The following ADCY2 variants were observed in gnomAD, a reference collection of about 807,000 sequenced individuals.
ADCY2 encodes adenylate cyclase 2.
ADCY2 carries 31 observed loss-of-function variants against 125.2 expected under a neutral mutation model. That is an observed-to-expected ratio of 0.25 (90% confidence interval 0.19 to 0.33). The LOEUF is 0.33. Among genes scored for constraint, ADCY2 ranks in the 10% least tolerant of loss-of-function variants. The pLI is 1.00. For synonymous variants in ADCY2, 512 were observed against 548.4 expected (o/e 0.93, Z 0.93); for missense variants, 904 against 1,418.2 (o/e 0.64, Z 5.82).
At position 7,641,743 on chromosome 5, in the gene ADCY2, T is replaced by C. The variant is rs959309639; in HGVS notation, c.720+15427T>C. ...CTTTATGTCCATGAGTACCCAATGT[T>C]TAGCTCCTACTTATAAGTGAGAACA... On this transcript the variant is annotated intron_variant, in intron 4 of 24. Coordinates refer to ENST00000338316, the MANE Select transcript of ADCY2 (RefSeq NM_020546.3). Among the ~76,000 whole-genome samples, 5 of 152,134 alleles carry C rather than the reference T, an allele frequency of 3.3e-5. No homozygotes were observed. The East Asian group carries it at 9.6e-4, about 29-fold the overall frequency.
intron 15 of ADCY2, among the ~76,000 whole-genome samples, chr5:7,748,125 A>T (rs4376238): frequency 0.46 from 69,493 of 151,988 alleles, 16,957 homozygotes; most frequent in East Asian, 0.95. Flanking sequence ...CTAGGCCCAT[A>T]TAGCAGCCCC....
intron 3 of ADCY2, among the ~76,000 whole-genome samples, chr5:7,570,987 C>T (rs1422968279): frequency 6.6e-6 from 1 of 152,052 alleles, no homozygotes; most frequent in Non-Finnish European, 1.5e-5. Context: ...CAGAAATAGG[C>T]TTTGCTGATA....
At chr5:7,410,976 G>A (rs1026166125) in intron 1 of ADCY2, among the ~76,000 whole-genome samples, 1 of 152,120 alleles carries the variant, frequency 6.6e-6, no homozygotes, top group Non-Finnish European at 1.5e-5. Context: ...AGGTCTGAGA[G>A]TGTCTCTTTA....
chr5:7,581,555 C>T (rs1284045127), intron 3 of ADCY2, among the ~76,000 whole-genome samples: 2 of 151,962 alleles, frequency 1.3e-5, no homozygotes, highest in Non-Finnish European at 2.9e-5. Context: ...TGCGGTGGCT[C>T]ACACCTGTAA....
At chr5:7,617,823 C>T (rs1029291270) in intron 3 of ADCY2, among the ~76,000 whole-genome samples, 1 of 152,166 alleles carries the variant, frequency 6.6e-6, no homozygotes, top group African/African-American at 2.4e-5. Flanking sequence ...TACCTTTCAG[C>T]ATTTGATTCT....
At position 7,816,919 on chromosome 5, in the gene ADCY2, C is replaced by T. The variant is rs559912274; in HGVS notation, c.2937C>T (p.Ala979=). 10 of 1,614,078 alleles carry T rather than the reference C, an allele frequency of 6.2e-6. No homozygotes were observed. In the African/African-American group the frequency reaches 1.2e-4, roughly 19 times the overall value. ...HIGTMVEFAF[A]LVGKLDAINK... ...GCACCATGGTGGAGTTTGCTTTTGC[C>T]CTGGTAGGGAAGCTGGATGCCATCA... The change falls in exon 23 of 25, where the codon GCC becomes GCT. Residue 979 remains alanine (A), a synonymous_variant. Transcript: ENST00000338316.
At chr5:7,694,790 C>A (rs958827822) in intron 5 of ADCY2, among the ~76,000 whole-genome samples, 1 of 152,032 alleles carries the variant, frequency 6.6e-6, no homozygotes, top group Non-Finnish European at 1.5e-5. Context: ...GGATATATAC[C>A]CAGAAGTTGC....
intron 2 of ADCY2, among the ~76,000 whole-genome samples, chr5:7,485,699 A>T (rs1002312820): frequency 6.6e-6 from 1 of 152,232 alleles, no homozygotes; most frequent in African/African-American, 2.4e-5. Flanking sequence ...CTTCATTGGA[A>T]GCATTCTGCA....
intron 2 of ADCY2, among the ~76,000 whole-genome samples, chr5:7,507,281 AAT>A (rs2126513368): frequency 6.9e-6 from 1 of 145,542 alleles, no homozygotes; most frequent in Non-Finnish European, 1.5e-5. Context: ...CTCTACTAAA[AAT>A]ACAAAAAATT....
rs111701793 is a variant in ADCY2, at chr5:7,481,378, C to T, written c.409-39360C>T. On this transcript the variant is annotated intron_variant, in intron 2 of 24. Coordinates refer to ENST00000338316, the MANE Select transcript of ADCY2 (RefSeq NM_020546.3). ...GCCTCCCGGGTTCACGCCATTCTCT[C>T]GCCTCAGCTTCCTGAGCAGCTGGGA... 5.3e-3 allele frequency among the ~76,000 whole-genome samples: 812 copies of T among 152,232 alleles called. 4 individuals are homozygous for T. Among genetic ancestry groups the T allele is most frequent in the African/African-American group, 0.018 (765 of 41,542 alleles).
Position 7,430,910 on chromosome 5 carries a change from T to C in ADCY2, c.408+16140T>C, listed in dbSNP as rs185881495. Among the ~76,000 whole-genome samples, 1,447 of 152,266 alleles carry C rather than the reference T, an allele frequency of 9.5e-3. 14 individuals are homozygous for C. Among genetic ancestry groups the C allele is most frequent in the Non-Finnish European group, 0.015 (1,012 of 67,990 alleles). Reference sequence around the variant, plus strand: ...CTAGATAACTGGAGAGAGATTCTGTTCATGGATCCAATGACAATGTTAAAT... The same window carrying C: ...CTAGATAACTGGAGAGAGATTCTGTCCATGGATCCAATGACAATGTTAAAT... On this transcript the variant is annotated intron_variant, in intron 2 of 24. Coordinates refer to ENST00000338316, the MANE Select transcript of ADCY2 (RefSeq NM_020546.3).
chr5:7,813,872 AAT>A (rs1745017964), intron 22 of ADCY2, among the ~76,000 whole-genome samples: 1 of 152,212 alleles, frequency 6.6e-6, no homozygotes, highest in African/African-American at 2.4e-5. Flanking sequence ...CTCCATGGCA[AAT>A]ATGTCCTCCT....
At chr5:7,718,220 C>T (rs1318465088) in intron 12 of ADCY2, among the ~76,000 whole-genome samples, 2 of 138,274 alleles carry the variant, frequency 1.4e-5, no homozygotes, top group African/African-American at 2.8e-5. Flanking sequence ...ACGATCTTGG[C>T]TCACTGCAAG....
At chr5:7,438,091 G>T (rs967673839) in intron 2 of ADCY2, among the ~76,000 whole-genome samples, 1 of 152,130 alleles carries the variant, frequency 6.6e-6, no homozygotes, top group African/African-American at 2.4e-5. Flanking sequence ...TGGTAGCCTG[G>T]CTGGCTAGAG....
chr5:7,720,719 C>T (rs1442994700), intron 12 of ADCY2, among the ~76,000 whole-genome samples: 1 of 152,160 alleles, frequency 6.6e-6, no homozygotes, highest in Non-Finnish European at 1.5e-5. Context: ...CTACAAAGGA[C>T]ATGAACTCAT....
chr5:7,502,403 A>T (rs772865450), intron 2 of ADCY2, among the ~76,000 whole-genome samples: 3 of 152,138 alleles, frequency 2.0e-5, no homozygotes, highest in Non-Finnish European at 4.4e-5. Context: ...TGGAGAAGGC[A>T]TCCATCATCT....
intron 3 of ADCY2, among the ~76,000 whole-genome samples, chr5:7,579,930 GC>G (rs1417610289): frequency 6.6e-6 from 1 of 152,204 alleles, no homozygotes; most frequent in East Asian, 1.9e-4. Flanking sequence ...ATTCCACAGA[GC>G]CATAAACAAG....
At chr5:7,556,320 T>C (rs865908856) in intron 3 of ADCY2, among the ~76,000 whole-genome samples, 1 of 152,110 alleles carries the variant, frequency 6.6e-6, no homozygotes, top group African/African-American at 2.4e-5. Flanking sequence ...AAATAAAAAA[T>C]AGTTGCAGAT....
rs1455107789 is a variant in ADCY2, at chr5:7,589,499, AAAG to A, written c.571-36665_571-36663del. The stretch of plus-strand genomic sequence containing the variant: ...GAAAGAAAGAAAGAAAGAAAGAAAG[AAAG>A]AAAGAAAGAAAAGAAAAGAAAGAGA... On this transcript the variant is annotated intron_variant, in intron 3 of 24. Transcript: ENST00000338316. 1.1e-3 allele frequency among the ~76,000 whole-genome samples: 54 copies of A among 47,362 alleles called. 1 individual carries two copies. Among genetic ancestry groups the A allele is most frequent in the African/African-American group, 2.3e-3 (50 of 21,596 alleles). The allele number at this position is 47,362 out of a possible 152,430, so 31.1% of individuals were successfully genotyped here. A position where few individuals can be genotyped will look rare whatever the true frequency, so the allele number is the denominator to read the frequency against.
Sources: gnomAD v4.1 joint callset for allele counts (sites outside exome capture counted in the v4.1 genomes callset) on GRCh38, gnomAD v4.1.1 for gene constraint, MANE v1.5 for transcripts, NCBI Gene and HGNC (gene_info 2026-07-23, HGNC 2026-07-21) for gene names.